SPMIP3: variants seen among roughly 807,000 people sequenced by gnomAD.
SPMIP3 encodes the protein protein SPMIP3.
chr1:244,362,572 C>T, the SPMIP3 span, among the ~76,000 whole-genome samples: 5 of 152,110 alleles, frequency 3.3e-5, no homozygotes, highest in Non-Finnish European at 7.4e-5. Flanking sequence ...AGAACACTCT[C>T]GCACACATCT....
At chr1:244,365,757 G>C in the SPMIP3 span, among the ~76,000 whole-genome samples, 1 of 152,252 alleles carries the variant, frequency 6.6e-6, no homozygotes, top group East Asian at 1.9e-4. Context: ...ATTCCCAAAA[G>C]ACCAGAAGGA....
chr1:244,376,668 T>C, the SPMIP3 span, among the ~76,000 whole-genome samples: 3 of 152,322 alleles, frequency 2.0e-5, no homozygotes, highest in South Asian at 6.2e-4. Context: ...ATTGAGATAA[T>C]TCACATACCA....
the SPMIP3 span, chr1:244,388,889 G>C: frequency 7.8e-6 from 10 of 1,289,338 alleles, no homozygotes; most frequent in Non-Finnish European, 1.1e-5. Context: ...TAAAAGGACA[G>C]TGTGTTAAAA....
the SPMIP3 span, among the ~76,000 whole-genome samples, chr1:244,372,687 C>T: frequency 3.2e-4 from 48 of 152,296 alleles, no homozygotes; most frequent in East Asian, 9.1e-3. Flanking sequence ...TTGCGATCCG[C>T]CCGCCTTGGC....
chr1:244,365,909 A>G, the SPMIP3 span, among the ~76,000 whole-genome samples: 1 of 152,170 alleles, frequency 6.6e-6, no homozygotes, highest in Admixed American at 6.5e-5. Flanking sequence ...GCACAGATGG[A>G]AACTAAGGAG....
At chr1:244,387,234 G>A in the SPMIP3 span, among the ~76,000 whole-genome samples, 1 of 151,918 alleles carries the variant, frequency 6.6e-6, no homozygotes, top group Non-Finnish European at 1.5e-5. Flanking sequence ...GGAGGTGGAG[G>A]TTGCAGTGAG....
chr1:244,372,210 G>C, the SPMIP3 span, among the ~76,000 whole-genome samples: 9 of 152,060 alleles, frequency 5.9e-5, no homozygotes, highest in Non-Finnish European at 1.2e-4. Flanking sequence ...GTGTCCTATG[G>C]ACCCTTTATT....
At chr1:244,356,879 A>T in the SPMIP3 span, among the ~76,000 whole-genome samples, 1 of 151,878 alleles carries the variant, frequency 6.6e-6, no homozygotes, top group Non-Finnish European at 1.5e-5. Context: ...CAGTAGACAA[A>T]ATAGACAACC....
the SPMIP3 span, among the ~76,000 whole-genome samples, chr1:244,377,573 C>T: frequency 6.6e-6 from 1 of 152,204 alleles, no homozygotes; most frequent in African/African-American, 2.4e-5. Context: ...TCTTTGTTGA[C>T]ATCCTAATTG....
At chr1:244,353,699 A>T in the SPMIP3 span, among the ~76,000 whole-genome samples, 2 of 152,146 alleles carry the variant, frequency 1.3e-5, no homozygotes, top group African/African-American at 4.8e-5. Flanking sequence ...TAGGCTAGAG[A>T]AGGAAAAAAG....
chr1:244,388,712 TG>T, the SPMIP3 span, among the ~76,000 whole-genome samples: 3 of 152,372 alleles, frequency 2.0e-5, no homozygotes, highest in Admixed American at 6.5e-5. Context: ...TGCAAATTTA[TG>T]TAATTTATTT....
chr1:244,384,291 C>T, the SPMIP3 span, among the ~76,000 whole-genome samples: 2 of 152,154 alleles, frequency 1.3e-5, no homozygotes, highest in African/African-American at 4.8e-5. Flanking sequence ...GCAGCCTTGG[C>T]AGCCCAGGCT....
the SPMIP3 span, among the ~76,000 whole-genome samples, chr1:244,360,558 ATG>A: frequency 0.1 from 2,652 of 25,298 alleles, 98 homozygotes; most frequent in Non-Finnish European, 0.15. Flanking sequence ...ACACACACAC[ATG>A]CATGCATGGA....
the SPMIP3 span, among the ~76,000 whole-genome samples, chr1:244,388,372 C>T: frequency 7.4e-6 from 1 of 135,430 alleles, no homozygotes; most frequent in Admixed American, 7.8e-5. Context: ...GCCTTTGAGT[C>T]CCCCCATCCT....
chr1:244,381,680 T>G, the SPMIP3 span, among the ~76,000 whole-genome samples: 1 of 152,196 alleles, frequency 6.6e-6, no homozygotes, highest in Admixed American at 6.5e-5. Context: ...CCTGTAATCC[T>G]AGCCCTTTGC....
chr1:244,359,044 G>T, the SPMIP3 span, among the ~76,000 whole-genome samples: 4,073 of 151,838 alleles, frequency 0.027, 218 homozygotes, highest in East Asian at 0.25. Flanking sequence ...ATTTGGTATG[G>T]GGCTATATTT....
the SPMIP3 span, chr1:244,364,716 C>G: frequency 1.2e-6 from 2 of 1,614,028 alleles, no homozygotes; most frequent in Non-Finnish European, 1.7e-6. Flanking sequence ...TGCCATCCGA[C>G]TACGAGAATT....
chr1:244,356,846 T>C, the SPMIP3 span, among the ~76,000 whole-genome samples: 51,472 of 151,648 alleles, frequency 0.34, 10,355 homozygotes, highest in Middle Eastern at 0.49. Context: ...TGCTAATTAT[T>C]ATCTTTGACC....
At chr1:244,382,216 A>AT in the SPMIP3 span, among the ~76,000 whole-genome samples, 334 of 147,886 alleles carry the variant, frequency 2.3e-3, 1 homozygote, top group African/African-American at 4.7e-3. Context: ...AGCCAAGTGC[A>AT]TTTTTTTTTT....
Sources: allele counts gnomAD v4.1 joint callset (sites outside exome capture counted in the v4.1 genomes callset), GRCh38; gene constraint gnomAD v4.1.1; transcripts MANE v1.5; gene names NCBI Gene and HGNC (gene_info 2026-07-23, HGNC 2026-07-21).